TP63: variants seen among roughly 807,000 people sequenced by gnomAD.
TP63 encodes the protein tumor protein 63.
Under a neutral mutation model 82.8 loss-of-function variants are expected in TP63, and 17 were observed. That is an observed-to-expected ratio of 0.21 (90% CI 0.14 to 0.31). The LOEUF (loss-of-function observed/expected upper bound fraction) is 0.31. Ranked by LOEUF, TP63 falls within the 10% of genes least tolerant of loss-of-function variation. The pLI is 1.00. For missense variants in TP63, 648 were observed against 895.3 expected (o/e 0.72, Z 3.52); for synonymous variants, 330 against 321.7 (o/e 1.03, Z -0.28).
chr3:189,670,835 G>A (rs1714827323), intron 1 of TP63, among the ~76,000 whole-genome samples: 2 of 152,040 alleles, frequency 1.3e-5, no homozygotes. Flanking sequence ...ATAGTACTGG[G>A]AAAGCCATCA....
rs79535087 is a variant in TP63 at position 189,822,753 on chromosome 3, C to T, written c.579+14227C>T. Among the ~76,000 whole-genome samples the T allele has an allele frequency of 1.0e-3, 155 of 152,290 alleles. 1 individual carries two copies. Among genetic ancestry groups the T allele is most frequent in the African/African-American group, 3.6e-3 (148 of 41,556 alleles). On this transcript the variant is annotated intron_variant, in intron 4 of 13. Coordinates refer to ENST00000264731, the MANE Select transcript of TP63 (RefSeq NM_003722.5). The stretch of plus-strand genomic sequence containing the variant: ...TCGGACTCATGCTACAAAATGATAA[C>T]GCTCTTCATCAGTTGTATAGAGCTC...
At chr3:189,774,594 T>C (rs1723636782) in intron 3 of TP63, among the ~76,000 whole-genome samples, 1 of 152,162 alleles carries the variant, frequency 6.6e-6, no homozygotes, top group Admixed American at 6.5e-5. Context: ...TAATCTCATA[T>C]TTTTCCCACT....
Position 189,631,570 on chromosome 3 carries a change from A to C in TP63, c.55A>C (p.Ile19Leu), listed in dbSNP as rs1189434292. 6.2e-7 allele frequency: 1 copy of C among 1,612,898 alleles called. No homozygotes were observed. Among genetic ancestry groups the C allele is most frequent in the South Asian group, 1.1e-5 (1 of 91,070 alleles). ...CCTACAGTACTGCCCTGACCCTTAC[A>C]TCCAGCGGTGAGTTTGAATGTGACA... ...ATLQYCPDPY[I>L]QRFVETPAHF... is the part of the protein sequence containing the mutation. Residue 19 changes from isoleucine (I) to leucine (L), a missense_variant, in exon 1 of 14, where the codon ATC becomes CTC. By Grantham distance (5) the Ile-to-Leu change is conservative. Coordinates refer to ENST00000264731, the MANE Select transcript of TP63 (RefSeq NM_003722.5).
Position 189,868,625 on chromosome 3 carries a change from T to C in TP63, c.1038T>C (p.Ala346=). Residue 346 remains alanine, a synonymous_variant, in exon 8 of 14, where the codon GCT becomes GCC. Coordinates refer to ENST00000264731, the MANE Select transcript of TP63 (RefSeq NM_003722.5). ...GCTGCTTTGAGGCCCGGATCTGTGC[T>C]TGCCCAGGAAGAGACAGGAAGGCGG... ...GRRCFEARIC[A]CPGRDRKADE... 1 of 1,614,160 alleles carries C rather than the reference T, an allele frequency of 6.2e-7. No individual in the cohort carries two copies.
At chr3:189,710,651 A>G (rs1319700709) in intron 1 of TP63, among the ~76,000 whole-genome samples, 1 of 152,148 alleles carries the variant, frequency 6.6e-6, no homozygotes, top group East Asian at 1.9e-4. Context: ...CAATTTCTCT[A>G]CATAGTTATT....
the TP63 span, among the ~76,000 whole-genome samples, chr3:189,603,000 A>AT: frequency 1.3e-5 from 2 of 152,180 alleles, no homozygotes; most frequent in Admixed American, 6.5e-5. Flanking sequence ...TTTTAAATTC[A>AT]TTTTGAAACT....
chr3:189,891,539 A>G lies in TP63; in HGVS notation c.1746+657A>G, dbSNP rs141154988. On this transcript the variant is annotated intron_variant, in intron 13 of 13. Transcript: ENST00000264731. ...TCAATGGCTATGGGGTCAAATCCCAATCACCCTTTTTAGTAGCAATGAGAA... is the reference window on the plus strand; with the variant it reads ...TCAATGGCTATGGGGTCAAATCCCAGTCACCCTTTTTAGTAGCAATGAGAA... 7.6e-3 allele frequency among the ~76,000 whole-genome samples: 1,160 copies of G among 152,250 alleles called. 2 individuals carry two copies. Among genetic ancestry groups the G allele is most frequent in the Non-Finnish European group, 0.012 (795 of 68,014 alleles).
chr3:189,777,282 C>T (rs1222392002), intron 3 of TP63, among the ~76,000 whole-genome samples: 5 of 152,010 alleles, frequency 3.3e-5, no homozygotes, highest in South Asian at 2.1e-4. Context: ...CTCCAATCTC[C>T]GCCTCCCAGG....
chr3:189,657,789 T>C (rs1713516825), intron 1 of TP63, among the ~76,000 whole-genome samples: 1 of 152,132 alleles, frequency 6.6e-6, no homozygotes, highest in South Asian at 2.1e-4. Context: ...GAAATATCAA[T>C]ATGCATATGT....
intron 4 of TP63, among the ~76,000 whole-genome samples, chr3:189,835,050 G>C (rs1712933439): frequency 1.3e-5 from 2 of 151,990 alleles, no homozygotes; most frequent in Admixed American, 1.3e-4. Flanking sequence ...CAAAAATGCT[G>C]GGTTTTTCAT....
chr3:189,823,491 G>A (rs1039562741), intron 4 of TP63, among the ~76,000 whole-genome samples: 1 of 152,138 alleles, frequency 6.6e-6, no homozygotes, highest in Non-Finnish European at 1.5e-5. Flanking sequence ...GCACTCAGTC[G>A]GTGATGTGGC....
intron 1 of TP63, among the ~76,000 whole-genome samples, chr3:189,634,241 C>A (rs1195029546): frequency 6.6e-6 from 1 of 151,778 alleles, no homozygotes; most frequent in Non-Finnish European, 1.5e-5. Context: ...TCTTTACTGA[C>A]CTTGTGTTTA....
intron 4 of TP63, among the ~76,000 whole-genome samples, chr3:189,849,214 C>A (rs927884646): frequency 2.6e-5 from 4 of 152,216 alleles, no homozygotes; most frequent in African/African-American, 9.6e-5. Context: ...TCTGCAACAT[C>A]CTTTATAATA....
chr3:189,667,272 T>C (rs1346979270), intron 1 of TP63, among the ~76,000 whole-genome samples: 1 of 151,042 alleles, frequency 6.6e-6, no homozygotes, highest in Non-Finnish European at 1.5e-5. Context: ...CCTCCTGGAT[T>C]CAAGAGATTC....
chr3:189,691,355 A>AAAAAAG lies in TP63; in HGVS notation c.63-46368_63-46363dup, dbSNP rs1166551652. On this transcript the variant is annotated intron_variant, in intron 1 of 13. Transcript: ENST00000264731. ...CTCCATCTCAAAAAAAAAAAAAAAA[A>AAAAAAG]AAAAAGAAAAAGAAAAAGAAAAGAA... Among the ~76,000 whole-genome samples, 394 of 143,962 alleles carry AAAAAAG rather than the reference A, an allele frequency of 2.7e-3. 2 individuals carry two copies. The highest frequency in any genetic ancestry group is 4.4e-3 in the Non-Finnish European group (290 of 66,386). 94.4% of individuals were successfully genotyped at this position (143,962 alleles called of 152,430 possible).
At chr3:189,825,752 G>C (rs1351031283) in intron 4 of TP63, among the ~76,000 whole-genome samples, 1 of 152,126 alleles carries the variant, frequency 6.6e-6, no homozygotes, top group Non-Finnish European at 1.5e-5. Context: ...AACAGCCATT[G>C]CTTATGTAGT....
chr3:189,881,304 T>G, intron 10 of TP63: 1 of 985,302 alleles, frequency 1.0e-6, no homozygotes, highest in South Asian at 4.7e-5. Flanking sequence ...GAATCTCTGT[T>G]TCTTTCCATT....
chr3:189,747,404 T>C (rs1386778999), intron 3 of TP63, among the ~76,000 whole-genome samples: 1 of 151,762 alleles, frequency 6.6e-6, no homozygotes, highest in Non-Finnish European at 1.5e-5. Flanking sequence ...AGTTTCTTCA[T>C]AGACAACAAT....
chr3:189,717,423 A>G (rs190220094), intron 1 of TP63, among the ~76,000 whole-genome samples: 1 of 152,348 alleles, frequency 6.6e-6, no homozygotes, highest in Admixed American at 6.5e-5. Context: ...ATAACTTTGA[A>G]TAATAATTTG....
Sources: gnomAD v4.1 joint callset for allele counts (sites outside exome capture counted in the v4.1 genomes callset) on GRCh38, gnomAD v4.1.1 for gene constraint, MANE v1.5 for transcripts, NCBI Gene and HGNC (gene_info 2026-07-23, HGNC 2026-07-21) for gene names.